Variants in FAM184A observed in about 807,000 individuals in gnomAD.
FAM184A encodes the protein protein FAM184A.
Under a neutral mutation model 143.8 loss-of-function variants are expected in FAM184A, and 99 were observed. The ratio of observed to expected loss-of-function variants is 0.69; its 90% CI spans 0.58 to 0.81. FAM184A has a LOEUF of 0.81. FAM184A is among the 40% of genes least tolerant of loss of function. The pLI, the probability that FAM184A is intolerant of heterozygous loss-of-function variation, is 0.00. For missense variants in FAM184A, 1,217 were observed against 1,310.5 expected (o/e 0.93, Z 1.10); for synonymous variants, 427 against 446.4 (o/e 0.96, Z 0.55).
chr6:119,051,096 T>C (rs1231937782), intron 1 of FAM184A, among the ~76,000 whole-genome samples: 1 of 151,574 alleles, frequency 6.6e-6, no homozygotes, highest in African/African-American at 2.4e-5. Context: ...ACCTGTGACA[T>C]GAGATTACCT....
rs1401913939 is a variant in FAM184A, at chr6:119,002,932, T to C, written c.2055A>G (p.Ser685=). Residue 685 remains serine (S), a synonymous_variant, in exon 9 of 18, where the codon TCA becomes TCG. Coordinates refer to ENST00000338891, the MANE Select transcript of FAM184A (RefSeq NM_024581.6). ...AGAGATCTTCTACTTTCTTCTGCCATGAATCTCTTGCTGCATTTTTCTCTC... is the reference window on the plus strand; with the variant it reads ...AGAGATCTTCTACTTTCTTCTGCCACGAATCTCTTGCTGCATTTTTCTCTC... ...KDREKNAARD[S]WQKKVEDLLN... is the part of the protein sequence containing the mutation. The C allele has an allele frequency of 6.2e-7, 1 of 1,612,274 alleles. No homozygotes were observed. The highest frequency in any genetic ancestry group is 8.5e-7 in the Non-Finnish European group (1 of 1,179,486).
At chr6:119,089,928 C>A (rs1788326194) in intron 1 of FAM184A, among the ~76,000 whole-genome samples, 1 of 152,158 alleles carries the variant, frequency 6.6e-6, no homozygotes, top group South Asian at 2.1e-4. Flanking sequence ...TGAAAACCTT[C>A]TAAAATGTTT....
chr6:118,984,457 C>T (rs1784128675), intron 9 of FAM184A, among the ~76,000 whole-genome samples: 1 of 151,892 alleles, frequency 6.6e-6, no homozygotes. Context: ...GGATTACAGG[C>T]ATGAGCCACT....
intron 9 of FAM184A, among the ~76,000 whole-genome samples, chr6:118,984,156 A>T (rs370631133): frequency 0.11 from 12,932 of 120,774 alleles, 910 homozygotes; most frequent in Non-Finnish European, 0.15. Context: ...ATTTAAAAAA[A>T]AAATATATAT....
At chr6:119,010,524 G>A (rs1785056491) in intron 6 of FAM184A, among the ~76,000 whole-genome samples, 1 of 151,818 alleles carries the variant, frequency 6.6e-6, no homozygotes, top group East Asian at 1.9e-4. Flanking sequence ...AGATAATCTG[G>A]GTGTCTGTAT....
intron 1 of FAM184A, among the ~76,000 whole-genome samples, chr6:119,063,784 T>A (rs1294143490): frequency 6.6e-6 from 1 of 152,220 alleles, no homozygotes; most frequent in African/African-American, 2.4e-5. Flanking sequence ...ATTTTATAAC[T>A]GTTCCTATAA....
chr6:118,973,572 G>T (rs1287693113), intron 14 of FAM184A, among the ~76,000 whole-genome samples: 3 of 152,098 alleles, frequency 2.0e-5, no homozygotes, highest in Non-Finnish European at 4.4e-5. Context: ...CTTTACTGAA[G>T]TATGTGGATA....
chr6:119,064,034 C>G (rs1225683003), intron 1 of FAM184A, among the ~76,000 whole-genome samples: 1 of 152,120 alleles, frequency 6.6e-6, no homozygotes, highest in East Asian at 1.9e-4. Flanking sequence ...TACCCCGGAT[C>G]TTGTTATAAC....
In FAM184A at chr6:119,024,272, A is replaced by G; in HGVS notation, c.701T>C (p.Leu234Pro). The G allele has an allele frequency of 6.2e-7, 1 of 1,614,150 alleles. No homozygotes were observed. Among genetic ancestry groups the G allele is most frequent in the East Asian group, 2.2e-5 (1 of 44,882 alleles). The change falls in exon 2 of 18, where the codon CTT (leucine) becomes CCT (proline). Residue 234 changes from leucine to proline, a missense_variant. Physicochemically the swap from Leu to Pro is moderately conservative, Grantham distance 98. Coordinates refer to ENST00000338891, the MANE Select transcript of FAM184A (RefSeq NM_024581.6). ...CTTCCGTTCAAGTCTTAGCTCCTCA[A>G]GCATTTTGTTTAGGGACTCCACCTC... The part of the protein sequence containing the change: ...RMEVESLNKM[L>P]EELRLERKKL...
At chr6:118,996,175 C>T (rs1004865039) in intron 9 of FAM184A, among the ~76,000 whole-genome samples, 1 of 151,232 alleles carries the variant, frequency 6.6e-6, no homozygotes, top group Non-Finnish European at 1.5e-5. Flanking sequence ...ATTCAGAAAA[C>T]AATTTAGCAT....
intron 1 of FAM184A, among the ~76,000 whole-genome samples, chr6:119,107,777 CAAAA>C (rs71556825): frequency 9.9e-6 from 1 of 100,838 alleles, no homozygotes; most frequent in African/African-American, 4.6e-5. Flanking sequence ...GACTTTGTCT[CAAAA>C]AAAAAAAAAA....
chr6:119,049,852 A>T (rs1026503994), intron 1 of FAM184A, among the ~76,000 whole-genome samples: 3 of 152,240 alleles, frequency 2.0e-5, no homozygotes, highest in Admixed American at 2.0e-4. Flanking sequence ...ATTAAGCTAA[A>T]GAGCTTCTGC....
chr6:118,967,000 C>A, intron 14 of FAM184A, 48 bp from the exon 15 acceptor site: 1 of 875,296 alleles, frequency 1.1e-6, no homozygotes. Flanking sequence ...CAGATACATT[C>A]TTCTGTAATA....
Position 119,020,085 on chromosome 6 carries a change from T to G in FAM184A, c.1225A>C (p.Arg409=). ...AGTTGAGATAATCTCTCATTGACTC[T>G]CGATTTTTCTGATTCTAAATCTTTA... ...TIKDLESEKS[R]VNERLSQLEE... Residue 409 remains arginine, a synonymous_variant, in exon 4 of 18, where the codon AGA becomes CGA. Transcript: ENST00000338891. 6.2e-7 allele frequency: 1 copy of G among 1,609,986 alleles called. No homozygotes were observed. The highest frequency in any genetic ancestry group is 8.5e-7 in the Non-Finnish European group (1 of 1,178,830).
chr6:119,140,170 G>A (rs778698531), intron 1 of FAM184A, among the ~76,000 whole-genome samples: 1 of 152,248 alleles, frequency 6.6e-6, no homozygotes, highest in Non-Finnish European at 1.5e-5. Context: ...AAGAAGGCAA[G>A]GTCATCCAGG....
At chr6:119,099,274 C>A (rs1371639859) in intron 1 of FAM184A, among the ~76,000 whole-genome samples, 1 of 152,056 alleles carries the variant, frequency 6.6e-6, no homozygotes, top group East Asian at 1.9e-4. Context: ...TCCCTGAATC[C>A]TCATCTTTAG....
intron 1 of FAM184A, among the ~76,000 whole-genome samples, chr6:119,100,184 T>G (rs1029075837): frequency 6.6e-6 from 1 of 152,130 alleles, no homozygotes; most frequent in African/African-American, 2.4e-5. Context: ...TTATTTTTTT[T>G]CTACACAGAG....
At chr6:119,061,167 G>A (rs947098267) in intron 1 of FAM184A, among the ~76,000 whole-genome samples, 1 of 152,156 alleles carries the variant, frequency 6.6e-6, no homozygotes, top group Non-Finnish European at 1.5e-5. Flanking sequence ...GGAAGGTATA[G>A]GTAAAAGAGC....
At chr6:119,038,517 C>T (rs895666632) in intron 1 of FAM184A, among the ~76,000 whole-genome samples, 1 of 152,126 alleles carries the variant, frequency 6.6e-6, no homozygotes, top group African/African-American at 2.4e-5. Flanking sequence ...GTCCTCACTG[C>T]AACACTCCCA....
Sources: allele counts gnomAD v4.1 joint callset (sites outside exome capture counted in the v4.1 genomes callset), GRCh38; gene constraint gnomAD v4.1.1; transcripts MANE v1.5; gene names NCBI Gene and HGNC (gene_info 2026-07-23, HGNC 2026-07-21).